The following AIFM2 variants were observed in gnomAD, a reference collection of about 807,000 sequenced individuals.
AIFM2 encodes the protein AIF family member 2, ferroptosis suppressor.
A neutral mutation model predicts 35.7 loss-of-function variants in AIFM2; 38 were observed. That is an observed-to-expected ratio of 1.06 (90% CI 0.82 to 1.39). The LOEUF is 1.39. Ranked by LOEUF, AIFM2 falls within the 40% of genes most tolerant of loss-of-function variation. AIFM2 has a pLI of 0.00. For synonymous variants in AIFM2, 185 were observed against 203.5 expected, an observed-to-expected ratio of 0.91 and a Z score of 0.77; for missense variants, 476 against 491.2, an observed-to-expected ratio of 0.97 and a Z score of 0.29.
At chr10:70,127,069 C>T (rs556087553) in intron 1 of AIFM2, among the ~76,000 whole-genome samples, 2 of 152,332 alleles carry the variant, frequency 1.3e-5, no homozygotes, top group South Asian at 4.1e-4. Context: ...GGCCCACAGG[C>T]CCAGCCAGAG....
chr10:70,123,456 T>A lies in AIFM2; in HGVS notation c.243A>T (p.Leu81=), dbSNP rs1430991119. The change falls in exon 3 of 9, where the codon CTA becomes CTT. Residue 81 remains leucine (L), a synonymous_variant. Coordinates refer to ENST00000307864, the MANE Select transcript of AIFM2 (RefSeq NM_032797.6). ...GGTTCTTCAGGTCTATCCCCACTAC[T>A]AGCCCCTGCCGGAAGTTGTCCTTGA... is the stretch of plus-strand genomic sequence containing the variant. ...VTFKDNFRQG[L]VVGIDLKNQM... is the part of the protein sequence containing the mutation. 6.2e-7 allele frequency: 1 copy of A among 1,614,154 alleles called. No homozygotes were observed. The highest frequency in any genetic ancestry group is 1.3e-5 in the African/African-American group (1 of 75,048).
In AIFM2 at chr10:70,114,245, C is replaced by A; in HGVS notation, c.1055G>T (p.Arg352Leu). The A allele has an allele frequency of 6.2e-7, 1 of 1,613,900 alleles. No individual in the cohort carries two copies. Among genetic ancestry groups the A allele is most frequent in the Non-Finnish European group, 8.5e-7 (1 of 1,179,998 alleles). ...SGFYVGRLMVRLTKSRDLFVS... is the reference protein window; with the variant it reads ...SGFYVGRLMVLLTKSRDLFVS... ...GAACAGGTCCCGGCTCTTGGTCAGCCGAACCATGAGCCGGCCCACATAGAA... is the reference window on the plus strand; with the variant it reads ...GAACAGGTCCCGGCTCTTGGTCAGCAGAACCATGAGCCGGCCCACATAGAA... The change falls in exon 9 of 9, where the codon CGG becomes CTG. Residue 352 changes from arginine (R) to leucine (L), a missense_variant. Transcript: ENST00000307864.
At chr10:70,116,575 T>C (rs1479133420) in intron 7 of AIFM2, 47 bp downstream of exon 7, 1 of 1,610,324 alleles carries the variant, frequency 6.2e-7, no homozygotes, top group Non-Finnish European at 8.5e-7. Context: ...CAGAGGGTAC[T>C]GGAGAGCAAG....
chr10:70,114,941 G>C lies in AIFM2; in HGVS notation c.949C>G (p.Pro317Ala), dbSNP rs368855181. 50 of 1,614,006 alleles carry C rather than the reference G, an allele frequency of 3.1e-5. No individual in the cohort carries two copies. Among genetic ancestry groups the C allele is most frequent in the Non-Finnish European group, 4.1e-5 (48 of 1,180,022 alleles). ...TTACCCGGCTTGTAGGCCTGGAGAGGCCGCTGCTTCACAGAGTTGACGATG... is the reference window on the plus strand; with the variant it reads ...TTACCCGGCTTGTAGGCCTGGAGAGCCCGCTGCTTCACAGAGTTGACGATG... ...ANIVNSVKQRPLQAYKPGALT... is the reference protein window; with the variant it reads ...ANIVNSVKQRALQAYKPGALT... Residue 317 changes from proline to alanine, a missense_variant, in exon 8 of 9, where the codon CCT becomes GCT. Coordinates refer to ENST00000307864, the MANE Select transcript of AIFM2 (RefSeq NM_032797.6).
intron 1 of AIFM2, among the ~76,000 whole-genome samples, chr10:70,124,377 T>A (rs1233818308): frequency 6.6e-6 from 1 of 152,246 alleles, no homozygotes; most frequent in African/African-American, 2.4e-5. Flanking sequence ...TTTATGCAAC[T>A]ATAATCACGA....
intron 4 of AIFM2, among the ~76,000 whole-genome samples, chr10:70,120,844 GC>G (rs144105387): frequency 0.062 from 9,387 of 152,236 alleles, 294 homozygotes; most frequent in East Asian, 0.12. Context: ...CCCGTGAAAA[GC>G]CCCAGGAGAG....
chr10:70,119,934 T>C (rs1326756898), intron 5 of AIFM2, among the ~76,000 whole-genome samples: 1 of 152,216 alleles, frequency 6.6e-6, no homozygotes. Context: ...GGCAGGCTGA[T>C]GTCCCCTCCC....
chr10:70,116,551 C>T, intron 7 of AIFM2, 71 bp downstream of exon 7: 3 of 1,583,824 alleles, frequency 1.9e-6, no homozygotes, highest in Non-Finnish European at 2.6e-6. Flanking sequence ...TGGGGGCAAG[C>T]ACTGCAGGGC....
chr10:70,121,603 G>A (rs575862395), intron 3 of AIFM2, among the ~76,000 whole-genome samples: 10 of 152,028 alleles, frequency 6.6e-5, no homozygotes, highest in Admixed American at 4.6e-4. Flanking sequence ...TCCTGCCTCC[G>A]CCAGGAAGAA....
chr10:70,120,756 C>T (rs745623457), intron 4 of AIFM2, among the ~76,000 whole-genome samples, 157 bp from the exon 5 acceptor site: 4 of 152,304 alleles, frequency 2.6e-5, no homozygotes, highest in Middle Eastern at 3.4e-3. Flanking sequence ...CCACCCACCT[C>T]GCAGAATTGC....
chr10:70,116,871 C>G (rs909492174), intron 6 of AIFM2, 97 bp from the exon 7 acceptor site: 1 of 1,500,378 alleles, frequency 6.7e-7, no homozygotes, highest in Non-Finnish European at 9.1e-7. Context: ...GCCTGGACCT[C>G]TGGGGCCCAA....
intron 5 of AIFM2, among the ~76,000 whole-genome samples, chr10:70,119,067 G>T (rs1419322333): frequency 1.3e-5 from 2 of 152,126 alleles, no homozygotes; most frequent in Non-Finnish European, 2.9e-5. Flanking sequence ...AAAGTACAGG[G>T]TTCAGAGAGC....
Position 70,117,715 on chromosome 10 carries a change from A to T in AIFM2, c.616+97T>A. On this transcript the variant is annotated intron_variant, in intron 6 of 8. Transcript: ENST00000307864. This position sits in a 1 kb window ranked among gnomAD's most constrained non-coding sequence, Gnocchi z 4.7. ...GTGGAAAAGAGAGAGCCTGGGGTGG[A>T]CCATAGCCACCCTCCTGCTGGAAGC... The T allele has an allele frequency of 1.0e-6, 1 of 982,566 alleles. No homozygotes were observed. Among genetic ancestry groups the T allele is most frequent in the Non-Finnish European group, 1.5e-6 (1 of 665,746 alleles). 60.9% of individuals were successfully genotyped at this position (982,566 alleles called of 1,614,324 possible).
chr10:70,129,921 C>T (rs1052062746), intron 1 of AIFM2, among the ~76,000 whole-genome samples: 4 of 151,712 alleles, frequency 2.6e-5, no homozygotes, highest in African/African-American at 4.8e-5. Context: ...GGCTGACTCA[C>T]ACCTCTAATC....
At chr10:70,123,163 C>T (rs928925195) in intron 3 of AIFM2, among the ~76,000 whole-genome samples, 5 of 152,176 alleles carry the variant, frequency 3.3e-5, no homozygotes, top group East Asian at 3.8e-4. Context: ...AGATTACATG[C>T]GCCCACCACC....
At chr10:70,118,553 C>A (rs2072463746) in intron 5 of AIFM2, among the ~76,000 whole-genome samples, 1 of 152,132 alleles carries the variant, frequency 6.6e-6, no homozygotes, top group Non-Finnish European at 1.5e-5. Context: ...CATATTAAGT[C>A]CTTAATAAAG....
chr10:70,120,651 C>T, intron 4 of AIFM2, 52 bp from the exon 5 acceptor site: 2 of 1,589,090 alleles, frequency 1.3e-6, no homozygotes, highest in South Asian at 1.1e-5. Flanking sequence ...CCTACACATC[C>T]ACCTCTGTCT....
Position 70,124,171 on chromosome 10 carries a change from G to A in AIFM2, c.-13-74C>T, listed in dbSNP as rs1317766397. On this transcript the variant is annotated intron_variant, in intron 1 of 8. Coordinates refer to ENST00000307864, the MANE Select transcript of AIFM2 (RefSeq NM_032797.6). ...GGCTGGGAGGACCCACAGTGAGAGA[G>A]GCCTCGATCATGAATTGACCTTTTT... 3.4e-6 allele frequency: 4 copies of A among 1,182,664 alleles called. 1 individual carries two copies. In the Admixed American group the frequency reaches 1.1e-4, roughly 33 times the overall value. 73.3% of individuals were successfully genotyped at this position (1,182,664 alleles called of 1,614,324 possible). A position where few individuals can be genotyped will look rare whatever the true frequency, so the allele number is the denominator to read the frequency against.
rs1282399732 is a variant in AIFM2 at position 70,117,017 on chromosome 10, G to A, written c.617-243C>T. On this transcript the variant is annotated intron_variant, in intron 6 of 8. Transcript: ENST00000307864. This position sits in a 1 kb window ranked among gnomAD's most constrained non-coding sequence, Gnocchi z 4.7. ...TTCCAAGAAGCCCCTGGAGGGAAGCGAGGCTGTTTCCCAAGAAGTTCTCAG... is the reference window on the plus strand; with the variant it reads ...TTCCAAGAAGCCCCTGGAGGGAAGCAAGGCTGTTTCCCAAGAAGTTCTCAG... Among the ~76,000 whole-genome samples the A allele has an allele frequency of 1.3e-5, 2 of 152,248 alleles. No homozygotes were observed. Among genetic ancestry groups the A allele is most frequent in the Non-Finnish European group, 2.9e-5 (2 of 68,042 alleles).
Sources: gnomAD v4.1 joint callset for allele counts (sites outside exome capture counted in the v4.1 genomes callset) on GRCh38, gnomAD v4.1.1 for gene constraint, Gnocchi (gnomAD v3.1) non-coding constraint, MANE v1.5 for transcripts, NCBI Gene and HGNC (gene_info 2026-07-23, HGNC 2026-07-21) for gene names.